The following LINC02747 variants were observed in gnomAD, a reference collection of about 807,000 sequenced individuals.
The protein encoded by LINC02747 is CCND1-upstream intergenic DNA repair 2.
At chr11:69,477,246 AC>A (rs1857004206) in exon 2 of LINC02747, 1 of 152,140 alleles carries the variant, frequency 6.6e-6, no homozygotes. Flanking sequence ...ATGCCACATC[AC>A]CGTGGGACTC....
chr11:69,480,027 C>T (rs553037163), intron 1 of LINC02747: 2 of 152,428 alleles, frequency 1.3e-5, no homozygotes, highest in African/African-American at 4.8e-5. Context: ...TTACTAAACT[C>T]ATCAGCCCCC....
chr11:69,479,088 C>G (rs2134962120), intron 1 of LINC02747, among the ~76,000 whole-genome samples: 1 of 151,706 alleles, frequency 6.6e-6, no homozygotes, highest in Non-Finnish European at 1.5e-5. Context: ...AACCCTGTCT[C>G]TACTAAAAAT....
At chr11:69,475,760 C>T (rs1394068074) in exon 2 of LINC02747, 2 of 152,212 alleles carry the variant, frequency 1.3e-5, no homozygotes, top group African/African-American at 4.8e-5. Flanking sequence ...CTCTGGGCCT[C>T]TTCTTATCAG....
At chr11:69,481,473 G>A (rs766083799) in exon 1 of LINC02747, 1 of 152,364 alleles carries the variant, frequency 6.6e-6, no homozygotes, top group Non-Finnish European at 1.5e-5. Flanking sequence ...TGACAGTCCA[G>A]GCTGATGCAG....
chr11:69,479,504 T>C (rs954632668), intron 1 of LINC02747, among the ~76,000 whole-genome samples: 1 of 152,078 alleles, frequency 6.6e-6, no homozygotes, highest in Non-Finnish European at 1.5e-5. Context: ...GTTGTGCACA[T>C]TTGGGATGAG....
Sources: gnomAD v4.1 joint callset for allele counts (sites outside exome capture counted in the v4.1 genomes callset) on GRCh38, gnomAD v4.1.1 for gene constraint, MANE v1.5 for transcripts, NCBI Gene and HGNC (gene_info 2026-07-23, HGNC 2026-07-21) for gene names.